Variants in ADAD1 observed in about 807,000 individuals in gnomAD.
ADAD1 encodes the protein adenosine deaminase domain-containing protein 1.
A neutral mutation model predicts 66.8 loss-of-function variants in ADAD1; 46 were observed. The ratio of observed to expected loss-of-function variants is 0.69; its 90% CI spans 0.54 to 0.88. The LOEUF (loss-of-function observed/expected upper bound fraction) is 0.88, where lower values mean the gene tolerates loss of function less well. ADAD1 is among the 40% of genes least tolerant of loss of function. ADAD1 has a pLI of 0.00. For synonymous variants in ADAD1, 248 were observed against 229.4 expected (o/e 1.08, Z -0.73); for missense variants, 617 against 681.8 (o/e 0.91, Z 1.06).
chr4:122,421,792 C>G lies in ADAD1; in HGVS notation c.1617+402C>G, dbSNP rs1797011416. ...TTCTATTTTAAAGTTGTGAGAAAAA[C>G]TTTAATTTCAGCATCTTGATTTGAA... On this transcript the variant is annotated intron_variant, in intron 12 of 12. Coordinates refer to ENST00000296513, the MANE Select transcript of ADAD1 (RefSeq NM_139243.4). 3.3e-5 allele frequency among the ~76,000 whole-genome samples: 5 copies of G among 151,998 alleles called. No individual in the cohort carries two copies. In the South Asian group the frequency reaches 1.0e-3, roughly 32 times the overall value.
intron 7 of ADAD1, among the ~76,000 whole-genome samples, chr4:122,400,433 T>C (rs960128473): frequency 6.6e-6 from 1 of 152,124 alleles, no homozygotes; most frequent in Non-Finnish European, 1.5e-5. Context: ...TTTTTGCATC[T>C]ATGTTACTCA....
chr4:122,415,203 G>A (rs540972527), intron 10 of ADAD1, among the ~76,000 whole-genome samples, 176 bp from the exon 11 acceptor site: 2 of 152,160 alleles, frequency 1.3e-5, no homozygotes, highest in Non-Finnish European at 2.9e-5. Flanking sequence ...TTATTACCTT[G>A]TTCTGGTTCT....
chr4:122,384,846 T>C (rs1226856111), intron 5 of ADAD1, among the ~76,000 whole-genome samples: 2 of 152,230 alleles, frequency 1.3e-5, no homozygotes. Flanking sequence ...GCCACTACTT[T>C]GAAAACTAAG....
chr4:122,419,916 A>G (rs575564056), intron 11 of ADAD1, among the ~76,000 whole-genome samples: 2 of 152,330 alleles, frequency 1.3e-5, no homozygotes, highest in East Asian at 1.9e-4. Flanking sequence ...TTATTAGTCA[A>G]AAAATATTAT....
Position 122,429,752 on chromosome 4 carries a change from A to G in ADAD1, c.*13A>G. On this transcript the variant is annotated 3_prime_UTR_variant, in exon 13 of 13. Transcript: ENST00000296513. The stretch of plus-strand genomic sequence containing the variant: ...ATTTAACATGTGAAATAGGCAATCC[A>G]TTATCACATTAAAAATCTTGTTTTG... The G allele has an allele frequency of 2.0e-6, 3 of 1,518,814 alleles. No individual in the cohort carries two copies. Among genetic ancestry groups the G allele is most frequent in the Non-Finnish European group, 2.7e-6 (3 of 1,101,066 alleles). 94.1% of individuals were successfully genotyped at this position (1,518,814 alleles called of 1,614,324 possible). A position where few individuals can be genotyped will look rare whatever the true frequency, so the allele number is the denominator to read the frequency against.
chr4:122,380,335 G>A, intron 3 of ADAD1, 94 bp downstream of exon 3: 3 of 1,438,486 alleles, frequency 2.1e-6, no homozygotes, highest in Middle Eastern at 1.9e-4. Context: ...AAGGTTTCGT[G>A]GTTGTATAGA....
At chr4:122,420,901 A>C (rs1197219992) in intron 11 of ADAD1, among the ~76,000 whole-genome samples, 1 of 152,226 alleles carries the variant, frequency 6.6e-6, no homozygotes, top group Non-Finnish European at 1.5e-5. Context: ...ATACCTATGT[A>C]ACCATCATTC....
intron 7 of ADAD1, among the ~76,000 whole-genome samples, chr4:122,400,048 A>T (rs939630053): frequency 2.0e-5 from 3 of 152,048 alleles, no homozygotes; most frequent in African/African-American, 7.2e-5. Flanking sequence ...GTTGAATAGA[A>T]ATGATGAGAG....
chr4:122,406,756 G>T (rs965112979), intron 7 of ADAD1, among the ~76,000 whole-genome samples: 1 of 151,868 alleles, frequency 6.6e-6, no homozygotes, highest in African/African-American at 2.4e-5. Flanking sequence ...TTTGCCCAGG[G>T]CAGTGTGCAC....
rs1189913890 is a variant in ADAD1 at position 122,426,031 on chromosome 4, A to G, written c.1618-3595A>G. ...ATCAGAATAGAAATCAGTGAAATTG[A>G]AAATAGAAAAAAATAGTAGGAAAAA... On this transcript the variant is annotated intron_variant, in intron 12 of 12. Coordinates refer to ENST00000296513, the MANE Select transcript of ADAD1 (RefSeq NM_139243.4). Among the ~76,000 whole-genome samples the G allele has an allele frequency of 4.6e-5, 7 of 152,118 alleles. No homozygotes were observed. The East Asian group carries it at 1.3e-3, about 29-fold the overall frequency.
chr4:122,384,027 G>A, intron 5 of ADAD1, 61 bp downstream of exon 5: 2 of 1,409,348 alleles, frequency 1.4e-6, no homozygotes, highest in Non-Finnish European at 1.9e-6. Flanking sequence ...GGAATCACCT[G>A]AAAGATTTAT....
At chr4:122,395,553 C>T (rs570521392) in intron 6 of ADAD1, among the ~76,000 whole-genome samples, 50 of 151,886 alleles carry the variant, frequency 3.3e-4, no homozygotes, top group African/African-American at 1.1e-3. Context: ...TGGTGGCGCA[C>T]GCTTGTAGTC....
intron 12 of ADAD1, among the ~76,000 whole-genome samples, chr4:122,422,956 T>TAAAAAAAAA (rs537676034): frequency 1.0e-5 from 1 of 97,194 alleles, no homozygotes; most frequent in East Asian, 3.2e-4. Flanking sequence ...TATTTCTCTT[T>TAAAAAAAAA]AAAAAAAAAA....
At chr4:122,384,882 G>A (rs1273188570) in intron 5 of ADAD1, among the ~76,000 whole-genome samples, 2 of 152,030 alleles carry the variant, frequency 1.3e-5, no homozygotes, top group East Asian at 1.9e-4. Flanking sequence ...GTCTGCTGTC[G>A]GCACTTCTAT....
intron 5 of ADAD1, among the ~76,000 whole-genome samples, chr4:122,390,360 A>G (rs1474871831): frequency 1.3e-5 from 2 of 152,104 alleles, no homozygotes; most frequent in African/African-American, 2.4e-5. Context: ...CTTGTGGAGT[A>G]TCTTAATGGT....
At chr4:122,379,909 C>T (rs1346199288) in intron 2 of ADAD1, among the ~76,000 whole-genome samples, 153 bp from the exon 3 acceptor site, 3 of 151,360 alleles carry the variant, frequency 2.0e-5, no homozygotes, top group African/African-American at 7.3e-5. Flanking sequence ...AAAAAGCAGT[C>T]GTGAGATCAG....
intron 12 of ADAD1, among the ~76,000 whole-genome samples, chr4:122,423,431 A>G (rs1040384476): frequency 6.6e-6 from 1 of 152,218 alleles, no homozygotes; most frequent in African/African-American, 2.4e-5. Context: ...GGGAATACCC[A>G]AGAGAGCCCA....
chr4:122,399,028 C>T (rs2150559682), intron 7 of ADAD1, among the ~76,000 whole-genome samples: 1 of 152,212 alleles, frequency 6.6e-6, no homozygotes, highest in South Asian at 2.1e-4. Context: ...GGTTCTTGGT[C>T]ATGAACTCTT....
intron 5 of ADAD1, among the ~76,000 whole-genome samples, chr4:122,391,589 C>A (rs1158223172): frequency 6.6e-6 from 1 of 152,216 alleles, no homozygotes; most frequent in Non-Finnish European, 1.5e-5. Context: ...CCAGGGAAGC[C>A]CCGCCCAATG....
Sources: allele counts gnomAD v4.1 joint callset (sites outside exome capture counted in the v4.1 genomes callset), GRCh38; gene constraint gnomAD v4.1.1; transcripts MANE v1.5; gene names NCBI Gene and HGNC (gene_info 2026-07-23, HGNC 2026-07-21).